ADAMTS2: variants seen among roughly 807,000 people sequenced by gnomAD.
The protein encoded by ADAMTS2 is A disintegrin and metalloproteinase with thrombospondin motifs 2.
In ADAMTS2, 50 loss-of-function variants were observed where a neutral mutation model predicts 123.0. The observed-to-expected ratio is 0.41, with a 90% CI of 0.32 to 0.51. The LOEUF (loss-of-function observed/expected upper bound fraction) is 0.51, where lower values mean the gene tolerates loss of function less well. Among genes scored for constraint, ADAMTS2 ranks in the 20% least tolerant of loss-of-function variants. The pLI is 0.35. For synonymous variants in ADAMTS2, 678 were observed against 695.4 expected (o/e 0.98, Z 0.39); for missense variants, 1,494 against 1,705.2 (o/e 0.88, Z 2.18).
intron 2 of ADAMTS2, among the ~76,000 whole-genome samples, chr5:179,341,751 G>A (rs529602063): frequency 2.0e-5 from 3 of 151,544 alleles, no homozygotes; most frequent in African/African-American, 7.3e-5. Flanking sequence ...AACCAATGGT[G>A]CTGTCCCACT....
At chr5:179,268,445 A>G (rs76702112) in intron 3 of ADAMTS2, among the ~76,000 whole-genome samples, 5,288 of 152,302 alleles carry the variant, frequency 0.035, 125 homozygotes, top group Middle Eastern at 0.065. Context: ...TCTTTCTGCA[A>G]ATGGCACTGT....
intron 2 of ADAMTS2, among the ~76,000 whole-genome samples, chr5:179,342,973 T>C (rs966760462): frequency 2.3e-4 from 35 of 152,322 alleles, no homozygotes; most frequent in African/African-American, 7.9e-4. Context: ...AGCCTCTCTC[T>C]TGTCCTTCAG....
rs948117140 is a variant in ADAMTS2 at position 179,228,742 on chromosome 5, G to T, written c.689-21027C>A. 6.6e-6 allele frequency among the ~76,000 whole-genome samples: 1 copy of T among 152,234 alleles called. No individual in the cohort carries two copies. Among genetic ancestry groups the T allele is most frequent in the Non-Finnish European group, 1.5e-5 (1 of 68,044 alleles). Reference sequence around the variant, plus strand: ...CATCCACTGCCTGCGGAGCATCTGGGGAAGGCTCCTGTGGGGCTCCAGACC... The same window carrying T: ...CATCCACTGCCTGCGGAGCATCTGGTGAAGGCTCCTGTGGGGCTCCAGACC... On this transcript the variant is annotated intron_variant, in intron 3 of 21. Coordinates refer to ENST00000251582, the MANE Select transcript of ADAMTS2 (RefSeq NM_014244.5). This position sits in a 1 kb window ranked among gnomAD's most constrained non-coding sequence, Gnocchi z 5.2.
chr5:179,322,219 G>A (rs556187726), intron 2 of ADAMTS2, among the ~76,000 whole-genome samples: 84 of 152,344 alleles, frequency 5.5e-4, no homozygotes, highest in East Asian at 2.5e-3. Flanking sequence ...GCCAGCCATC[G>A]TGAGTCACCC....
At chr5:179,221,647 G>A (rs536043437) in intron 3 of ADAMTS2, among the ~76,000 whole-genome samples, 9 of 152,230 alleles carry the variant, frequency 5.9e-5, no homozygotes, top group Admixed American at 3.9e-4. Flanking sequence ...ATGCCCCTGC[G>A]CCTCCTGAGG....
rs542594835 is a variant in ADAMTS2 at position 179,131,926 on chromosome 5, CTG to C, written c.2290+302_2290+303del. 2.6e-3 allele frequency among the ~76,000 whole-genome samples: 402 copies of C among 152,326 alleles called. 1 individual carries two copies. The highest frequency in any genetic ancestry group is 9.4e-3 in the African/African-American group (390 of 41,584). ...AGGGCAGGGGGCCTTCCCGCCCCGA[CTG>C]TGAGAACAGGGGACAGGGAGTCATC... is the stretch of plus-strand genomic sequence containing the variant. On this transcript the variant is annotated intron_variant, in intron 15 of 21. Coordinates refer to ENST00000251582, the MANE Select transcript of ADAMTS2 (RefSeq NM_014244.5).
chr5:179,222,106 CCTGTGTG>C (rs898438062), intron 3 of ADAMTS2, among the ~76,000 whole-genome samples: 5 of 152,070 alleles, frequency 3.3e-5, no homozygotes, highest in African/African-American at 1.2e-4. Context: ...CATTTGTCTT[CCTGTGTG>C]AACTCCGTGG....
intron 3 of ADAMTS2, among the ~76,000 whole-genome samples, chr5:179,237,075 C>G (rs1025678707): frequency 6.6e-6 from 1 of 151,982 alleles, no homozygotes; most frequent in Non-Finnish European, 1.5e-5. Context: ...GTTAACACAG[C>G]AAGCCCTCAT....
intron 3 of ADAMTS2, among the ~76,000 whole-genome samples, chr5:179,247,659 C>T (rs1331005269): frequency 6.6e-6 from 1 of 152,094 alleles, no homozygotes; most frequent in Non-Finnish European, 1.5e-5. Context: ...TATACAAGGG[C>T]TCTCAATGAG....
In ADAMTS2 at chr5:179,272,869, A is replaced by C; in HGVS notation, c.688+42T>G. Reference sequence around the variant, plus strand: ...ATGCTCCCCTGGGGACCAGGGCCTCAGAGGGCTCTCCACACAGCCTGCCCA... The same window carrying C: ...ATGCTCCCCTGGGGACCAGGGCCTCCGAGGGCTCTCCACACAGCCTGCCCA... On this transcript the variant is annotated intron_variant, in intron 3 of 21. Coordinates refer to ENST00000251582, the MANE Select transcript of ADAMTS2 (RefSeq NM_014244.5). The surrounding 1 kb of genome is among the most constrained non-coding windows in gnomAD (Gnocchi z 5.8). 6.3e-7 allele frequency: 1 copy of C among 1,596,304 alleles called. No individual in the cohort carries two copies.
At chr5:179,205,276 T>C (rs1174339705) in intron 4 of ADAMTS2, among the ~76,000 whole-genome samples, 1 of 152,202 alleles carries the variant, frequency 6.6e-6, no homozygotes, top group Admixed American at 6.5e-5. Context: ...TGGTGGGCTA[T>C]CAGAAGTGAC....
At chr5:179,206,174 C>T (rs1561804587) in intron 4 of ADAMTS2, among the ~76,000 whole-genome samples, 1 of 152,212 alleles carries the variant, frequency 6.6e-6, no homozygotes, top group Admixed American at 6.5e-5. Context: ...GCCCCCTGTA[C>T]GGATAAGGCT....
intron 3 of ADAMTS2, among the ~76,000 whole-genome samples, chr5:179,271,007 C>T (rs941972329): frequency 1.3e-5 from 2 of 152,232 alleles, no homozygotes; most frequent in African/African-American, 4.8e-5. Flanking sequence ...CAAACCCCCA[C>T]CTTCCAGCCC....
intron 4 of ADAMTS2, among the ~76,000 whole-genome samples, chr5:179,196,325 G>T (rs4701079): frequency 1.3e-5 from 2 of 152,118 alleles, no homozygotes; most frequent in African/African-American, 4.8e-5. Context: ...TTATAGCCGC[G>T]ACTGAAGGCG....
Position 179,207,691 on chromosome 5 carries a change from C to T in ADAMTS2, c.713G>A (p.Ser238Asn), listed in dbSNP as rs1325235163. Residue 238 changes from serine to asparagine, a missense_variant, in exon 4 of 22, where the codon AGC (serine) becomes AAC (asparagine). By Grantham distance (46) the Ser-to-Asn change is conservative (BLOSUM62 1). Around this residue, in one of 6 missense-constraint regions of ADAMTS2, gnomAD observed 184 missense variants for 152.1 expected, o/e 1.21. Coordinates refer to ENST00000251582, the MANE Select transcript of ADAMTS2 (RefSeq NM_014244.5). Reference sequence around the variant, plus strand: ...TAGGACGCCCAGGGCGCGGCTGAGGCTGTCCAGGCTGTCCAGGGAGGCCCC... The same window carrying T: ...TAGGACGCCCAGGGCGCGGCTGAGGTTGTCCAGGCTGTCCAGGGAGGCCCC... ...DTGASLDSLDSLSRALGVLEE... is the reference protein window; with the variant it reads ...DTGASLDSLDNLSRALGVLEE... 1.9e-6 allele frequency: 3 copies of T among 1,611,536 alleles called. No homozygotes were observed. Among genetic ancestry groups the T allele is most frequent in the East Asian group, 2.2e-5 (1 of 44,892 alleles).
chr5:179,249,550 A>G (rs1765871711), intron 3 of ADAMTS2, among the ~76,000 whole-genome samples: 1 of 152,170 alleles, frequency 6.6e-6, no homozygotes, highest in Non-Finnish European at 1.5e-5. Context: ...TACTAAAATC[A>G]CAAACAAAAG....
In ADAMTS2 at chr5:179,117,553, AT is replaced by A. The variant is rs202081869; in HGVS notation, c.3179-3230del. Among the ~76,000 whole-genome samples, 4,773 of 134,686 alleles carry A rather than the reference AT, an allele frequency of 0.035. 166 individuals are homozygous for A. Among genetic ancestry groups the A allele is most frequent in the African/African-American group, 0.1 (3,733 of 37,120 alleles). The allele number at this position is 134,686 out of a possible 152,430, so 88.4% of individuals were successfully genotyped here. On this transcript the variant is annotated intron_variant, in intron 21 of 21. Coordinates refer to ENST00000251582, the MANE Select transcript of ADAMTS2 (RefSeq NM_014244.5). This position sits in a 1 kb window ranked among gnomAD's most constrained non-coding sequence, Gnocchi z 4.2. Reference sequence around the variant, plus strand: ...TATTGGATCAGGCCCATGCCCATGCATTTTTTTTTTTTTTTTTGAGATGAAG... The same window carrying A: ...TATTGGATCAGGCCCATGCCCATGCATTTTTTTTTTTTTTTTGAGATGAAG...
At position 179,258,956 on chromosome 5, in the gene ADAMTS2, A is replaced by G. The variant is rs577872306; in HGVS notation, c.688+13955T>C. 1.8e-4 allele frequency among the ~76,000 whole-genome samples: 28 copies of G among 152,186 alleles called. No homozygotes were observed. In the South Asian group the frequency reaches 5.8e-3, roughly 32 times the overall value. On this transcript the variant is annotated intron_variant, in intron 3 of 21. Transcript: ENST00000251582. ...AGGGGCTGATCCGGCCGCTGCTCTC[A>G]TTCCCATGGCCACCTGATCCAGGCC...
intron 4 of ADAMTS2, among the ~76,000 whole-genome samples, chr5:179,206,272 C>A (rs1361170409): frequency 6.6e-6 from 1 of 152,196 alleles, no homozygotes; most frequent in East Asian, 1.9e-4. Flanking sequence ...GTTCAGCTCA[C>A]TCACATCCCC....
Sources: allele counts gnomAD v4.1 joint callset (sites outside exome capture counted in the v4.1 genomes callset), GRCh38; gene constraint gnomAD v4.1.1; regional missense constraint gnomAD v4.1.1; non-coding constraint Gnocchi (gnomAD v3.1); transcripts MANE v1.5; gene names NCBI Gene and HGNC (gene_info 2026-07-23, HGNC 2026-07-21).